The following KCNH5 variants were observed in gnomAD, a reference collection of about 807,000 sequenced individuals.
The protein encoded by KCNH5 is potassium voltage-gated channel subfamily H member 5.
Under a neutral mutation model 96.1 loss-of-function variants are expected in KCNH5, and 46 were observed. The observed-to-expected ratio is 0.48, with a 90% CI of 0.38 to 0.61. The LOEUF is 0.61. KCNH5 is among the 20% of genes least tolerant of loss of function. The probability of loss-of-function intolerance (pLI) is 0.00; values close to 1 mark genes in which losing one functional copy is unlikely to be tolerated. For missense variants in KCNH5, 907 were observed against 1,225.8 expected, an observed-to-expected ratio of 0.74 and a Z score of 3.88; for synonymous variants, 439 against 449.8, an observed-to-expected ratio of 0.98 and a Z score of 0.30.
intron 9 of KCNH5, among the ~76,000 whole-genome samples, chr14:62,798,114 C>T (rs1886577335): frequency 2.0e-5 from 3 of 152,124 alleles, no homozygotes; most frequent in Admixed American, 2.0e-4. Flanking sequence ...TTATGTTATT[C>T]CTGGCCTCGT....
At chr14:62,958,648 A>C (rs1175917407) in intron 6 of KCNH5, among the ~76,000 whole-genome samples, 2 of 152,260 alleles carry the variant, frequency 1.3e-5, no homozygotes, top group South Asian at 4.1e-4. Flanking sequence ...ATATAATCCC[A>C]TAATTTCAAT....
intron 1 of KCNH5, among the ~76,000 whole-genome samples, chr14:63,019,761 A>G (rs147726039): frequency 1.2e-3 from 179 of 152,214 alleles, no homozygotes; most frequent in Non-Finnish European, 1.9e-3. Flanking sequence ...CTTTGCAATC[A>G]TGAGGAAGAC....
At chr14:62,916,142 C>T (rs988574976) in intron 7 of KCNH5, among the ~76,000 whole-genome samples, 1 of 151,698 alleles carries the variant, frequency 6.6e-6, no homozygotes, top group African/African-American at 2.4e-5. Context: ...TTAGTAGAGA[C>T]GGGGTTTTAC....
chr14:62,840,422 C>A lies in KCNH5; in HGVS notation c.1569+9231G>T, dbSNP rs375565482. On this transcript the variant is annotated intron_variant, in intron 8 of 10. Coordinates refer to ENST00000322893, the MANE Select transcript of KCNH5 (RefSeq NM_139318.5). ...AGGTTGCATAGCCATGCAGCCCTCTCCTTGACTCCAGACCCATGCCCAGGA... is the reference window on the plus strand; with the variant it reads ...AGGTTGCATAGCCATGCAGCCCTCTACTTGACTCCAGACCCATGCCCAGGA... Among the ~76,000 whole-genome samples, 10 of 152,208 alleles carry A rather than the reference C, an allele frequency of 6.6e-5. 1 individual carries two copies. The highest frequency in any genetic ancestry group is 2.0e-4 in the Admixed American group (3 of 15,294).
intron 7 of KCNH5, among the ~76,000 whole-genome samples, chr14:62,889,863 C>T (rs1056765364): frequency 3.6e-4 from 54 of 152,104 alleles, no homozygotes; most frequent in African/African-American, 1.3e-3. Flanking sequence ...TTTAAAAAGG[C>T]ATTAGAAAAC....
chr14:62,807,024 T>C (rs574133833), intron 8 of KCNH5, among the ~76,000 whole-genome samples: 13 of 152,208 alleles, frequency 8.5e-5, no homozygotes, highest in Admixed American at 3.3e-4. Context: ...GCCTGAACTT[T>C]TCAGTGTCAC....
chr14:62,951,295 G>T (rs1466935283), intron 6 of KCNH5, among the ~76,000 whole-genome samples: 1 of 152,064 alleles, frequency 6.6e-6, no homozygotes, highest in Non-Finnish European at 1.5e-5. Flanking sequence ...AACAAATAAG[G>T]GATTATCCAA....
chr14:63,027,545 A>C (rs1477937181), intron 1 of KCNH5, among the ~76,000 whole-genome samples: 1 of 151,652 alleles, frequency 6.6e-6, no homozygotes, highest in Non-Finnish European at 1.5e-5. Context: ...TTTAGGGTAT[A>C]CTATACCTGG....
chr14:63,003,524 TTTATATATA>T (rs1242903894), intron 3 of KCNH5, among the ~76,000 whole-genome samples: 1 of 116,376 alleles, frequency 8.6e-6, no homozygotes, highest in African/African-American at 3.7e-5. Context: ...TTTTATATAT[TTTATATATA>T]TTATATATTA....
intron 10 of KCNH5, among the ~76,000 whole-genome samples, chr14:62,720,039 A>T (rs1246595524): frequency 6.6e-6 from 1 of 152,214 alleles, no homozygotes; most frequent in Non-Finnish European, 1.5e-5. Flanking sequence ...AAGAAAAATA[A>T]AGTATAAGGA....
At chr14:62,779,128 T>C (rs1464507164) in intron 10 of KCNH5, among the ~76,000 whole-genome samples, 1 of 152,194 alleles carries the variant, frequency 6.6e-6, no homozygotes, top group East Asian at 1.9e-4. Flanking sequence ...AACTAGGAGA[T>C]TTCTTCATGC....
chr14:62,928,925 A>C (rs1348771356), intron 7 of KCNH5, among the ~76,000 whole-genome samples: 1 of 152,006 alleles, frequency 6.6e-6, no homozygotes, highest in Non-Finnish European at 1.5e-5. Flanking sequence ...CAGTCTCATG[A>C]CTTTAAATAT....
At chr14:62,950,111 A>G (rs1449852986) in intron 7 of KCNH5, 22 bp downstream of exon 7, 10 of 1,606,180 alleles carry the variant, frequency 6.2e-6, no homozygotes, top group Admixed American at 1.7e-5. Context: ...ATAATTTTCA[A>G]TGAAAAAATT....
intron 7 of KCNH5, among the ~76,000 whole-genome samples, chr14:62,877,726 AAC>A (rs924059062): frequency 4.0e-5 from 6 of 151,798 alleles, no homozygotes; most frequent in Admixed American, 1.3e-4. Flanking sequence ...GAGAAATAGG[AAC>A]ACTTTTACAC....
intron 9 of KCNH5, among the ~76,000 whole-genome samples, chr14:62,797,859 G>A (rs1310406032): frequency 5.3e-5 from 8 of 151,808 alleles, no homozygotes; most frequent in African/African-American, 1.9e-4. Context: ...CCCAAATACA[G>A]ATATATGCCA....
chr14:62,709,058 C>T (rs894390449), intron 10 of KCNH5, among the ~76,000 whole-genome samples: 1 of 151,086 alleles, frequency 6.6e-6, no homozygotes, highest in Non-Finnish European at 1.5e-5. Context: ...ACGGTGAAAC[C>T]CCGTCTCTAC....
At chr14:62,910,941 A>ACACACAC (rs61033705) in intron 7 of KCNH5, among the ~76,000 whole-genome samples, 1,763 of 140,786 alleles carry the variant, frequency 0.013, 35 homozygotes, top group African/African-American at 0.043. Context: ...ACACACACAC[A>ACACACAC]CCCCTCTGTT....
At chr14:62,863,261 T>G (rs1242346828) in intron 7 of KCNH5, among the ~76,000 whole-genome samples, 1 of 152,170 alleles carries the variant, frequency 6.6e-6, no homozygotes, top group Non-Finnish European at 1.5e-5. Context: ...GGAATTAAAC[T>G]TAAATATTCT....
intron 7 of KCNH5, among the ~76,000 whole-genome samples, chr14:62,859,508 C>T (rs1457858550): frequency 6.6e-6 from 1 of 152,206 alleles, no homozygotes; most frequent in African/African-American, 2.4e-5. Context: ...CTACAAATAT[C>T]TTCACAGTTT....
Sources: allele counts gnomAD v4.1 joint callset (sites outside exome capture counted in the v4.1 genomes callset), GRCh38; gene constraint gnomAD v4.1.1; transcripts MANE v1.5; gene names NCBI Gene and HGNC (gene_info 2026-07-23, HGNC 2026-07-21).